TIMP3: variants seen among roughly 807,000 people sequenced by gnomAD.
TIMP3 encodes metalloproteinase inhibitor 3.
In TIMP3, 11 loss-of-function variants were observed where a neutral mutation model predicts 30.0. The ratio of observed to expected loss-of-function variants is 0.37; its 90% CI spans 0.23 to 0.61. The LOEUF is 0.61. TIMP3 is among the 20% of genes least tolerant of loss of function. The pLI is 0.70. For synonymous variants in TIMP3, 112 were observed against 111.3 expected (o/e 1.01, Z -0.04); for missense variants, 181 against 276.8 (o/e 0.65, Z 2.45).
intron 1 of TIMP3, among the ~76,000 whole-genome samples, chr22:32,812,520 TTG>T (rs2046942926): frequency 2.0e-5 from 3 of 152,084 alleles, no homozygotes; most frequent in Admixed American, 2.0e-4. Flanking sequence ...TTGGTAAAAA[TTG>T]AACCTCATTA....
intron 1 of TIMP3, among the ~76,000 whole-genome samples, chr22:32,817,605 G>A (rs898679077): frequency 1.3e-5 from 2 of 152,182 alleles, no homozygotes; most frequent in Non-Finnish European, 2.9e-5. Context: ...GAAGAAAAAG[G>A]AGGAAGGGAA....
Position 32,801,863 on chromosome 22 carries a change from G to T in TIMP3, c.-139G>T. 1 of 1,132,802 alleles carries T rather than the reference G, an allele frequency of 8.8e-7. No homozygotes were observed. Among genetic ancestry groups the T allele is most frequent in the Non-Finnish European group, 1.1e-6 (1 of 896,218 alleles). The allele number at this position is 1,132,802 out of a possible 1,614,324, so 70.2% of individuals were successfully genotyped here. A position where few individuals can be genotyped will look rare whatever the true frequency, so the allele number is the denominator to read the frequency against. ...CATCCCGTCCCGCCGGGCACTCGGA[G>T]GGCAGCGCGCCGGAGGCCAAGGTTG... On this transcript the variant is annotated 5_prime_UTR_variant, in exon 1 of 5. In the 5' UTR this introduces an upstream ATG that the reference lacks. Transcript: ENST00000266085. This position sits in a 1 kb window ranked among gnomAD's most constrained non-coding sequence, Gnocchi z 4.7.
At chr22:32,808,862 C>T (rs933049093) in intron 1 of TIMP3, among the ~76,000 whole-genome samples, 9 of 152,180 alleles carry the variant, frequency 5.9e-5, no homozygotes, top group South Asian at 2.1e-4. Context: ...ATCATTCCTG[C>T]GCTGGGAGAA....
chr22:32,841,594 G>GC (rs1022561475), intron 1 of TIMP3, among the ~76,000 whole-genome samples: 3 of 152,032 alleles, frequency 2.0e-5, no homozygotes, highest in African/African-American at 7.2e-5. Flanking sequence ...TATTAGGCTT[G>GC]CAGGTATAAA....
chr22:32,849,593 C>T, intron 2 of TIMP3, 59 bp downstream of exon 2: 1 of 1,510,756 alleles, frequency 6.6e-7, no homozygotes, highest in African/African-American at 1.4e-5. Flanking sequence ...CAGAAGAGTC[C>T]TGGCTAAGGG....
chr22:32,844,387 T>C (rs1475455100), intron 1 of TIMP3, among the ~76,000 whole-genome samples: 3 of 152,218 alleles, frequency 2.0e-5, no homozygotes, highest in Non-Finnish European at 4.4e-5. Flanking sequence ...CTGTGGTCCA[T>C]ACTGCTAGAG....
intron 1 of TIMP3, among the ~76,000 whole-genome samples, chr22:32,823,688 TG>T (rs1470457463): frequency 1.3e-5 from 2 of 151,940 alleles, no homozygotes; most frequent in Non-Finnish European, 2.9e-5. Flanking sequence ...AGAAGCTTGG[TG>T]GGCTCCCATG....
chr22:32,832,024 G>C (rs1414840081), intron 1 of TIMP3, among the ~76,000 whole-genome samples: 2 of 152,114 alleles, frequency 1.3e-5, no homozygotes, highest in African/African-American at 4.8e-5. Context: ...TTAGCAAATG[G>C]GCCCCTCTCA....
intron 1 of TIMP3, among the ~76,000 whole-genome samples, chr22:32,846,734 A>G (rs1416179745): frequency 6.6e-6 from 1 of 152,230 alleles, no homozygotes; most frequent in Non-Finnish European, 1.5e-5. Flanking sequence ...GTAATAAGCA[A>G]ATCACTTGTT....
At chr22:32,802,192 G>C in intron 1 of TIMP3, 70 bp downstream of exon 1, 4 of 1,525,310 alleles carry the variant, frequency 2.6e-6, no homozygotes, top group Non-Finnish European at 3.5e-6. Flanking sequence ...TAGGGAGGCA[G>C]GGCGAGCCCC....
intron 1 of TIMP3, among the ~76,000 whole-genome samples, chr22:32,816,958 C>T (rs1483168451): frequency 1.3e-5 from 2 of 151,910 alleles, no homozygotes; most frequent in Non-Finnish European, 2.9e-5. Flanking sequence ...CAGCGGCTCA[C>T]GCATATAACC....
At chr22:32,821,744 G>A (rs187674695) in intron 1 of TIMP3, among the ~76,000 whole-genome samples, 2 of 152,292 alleles carry the variant, frequency 1.3e-5, no homozygotes, top group East Asian at 1.9e-4. Flanking sequence ...ACTGTCCCAC[G>A]TAGCTCCTCT....
At chr22:32,824,762 C>A (rs1180120201) in intron 1 of TIMP3, among the ~76,000 whole-genome samples, 1 of 152,124 alleles carries the variant, frequency 6.6e-6, no homozygotes, top group Non-Finnish European at 1.5e-5. Context: ...CGCTTCTGAA[C>A]CAGTGTTTGA....
At chr22:32,854,716 A>G (rs1184869288) in intron 2 of TIMP3, among the ~76,000 whole-genome samples, 1 of 152,106 alleles carries the variant, frequency 6.6e-6, no homozygotes, top group Non-Finnish European at 1.5e-5. Flanking sequence ...CCGCGCCCCC[A>G]CCGCGTAATT....
At chr22:32,828,812 G>A (rs1054806676) in intron 1 of TIMP3, among the ~76,000 whole-genome samples, 1 of 152,204 alleles carries the variant, frequency 6.6e-6, no homozygotes, top group Non-Finnish European at 1.5e-5. Context: ...ATTCAGTGCT[G>A]GAGCCAGCGG....
rs78624360 is a variant in TIMP3, at chr22:32,842,570, T to C, written c.122-6882T>C. 5.6e-3 allele frequency among the ~76,000 whole-genome samples: 857 copies of C among 152,294 alleles called. 11 individuals are homozygous for C. The highest frequency in any genetic ancestry group is 0.019 in the African/African-American group (802 of 41,550). On this transcript the variant is annotated intron_variant, in intron 1 of 4. Coordinates refer to ENST00000266085, the MANE Select transcript of TIMP3 (RefSeq NM_000362.5). ...AGTAAATTTAAGAATCTACAAGTCA[T>C]CACCATCAGCAATATAACAGTGTAT...
chr22:32,818,234 C>T (rs1398007303), intron 1 of TIMP3, among the ~76,000 whole-genome samples: 1 of 152,198 alleles, frequency 6.6e-6, no homozygotes, highest in East Asian at 1.9e-4. Flanking sequence ...CAGTAGTCTA[C>T]AGGATTTGAC....
rs1380404535 is a variant in TIMP3, at chr22:32,801,976, C to A, written c.-26C>A. On this transcript the variant is annotated 5_prime_UTR_variant, in exon 1 of 5. Coordinates refer to ENST00000266085, the MANE Select transcript of TIMP3 (RefSeq NM_000362.5). The surrounding 1 kb of genome is among the most constrained non-coding windows in gnomAD (Gnocchi z 4.7). ...GCAACTTTGGAGAGGCGAGCAGCAG[C>A]CCCGGCAGCGGCGGCAGCAGCGGCA... is the stretch of plus-strand genomic sequence containing the variant. 3.8e-6 allele frequency: 6 copies of A among 1,580,376 alleles called. No homozygotes were observed. Among genetic ancestry groups the A allele is most frequent in the African/African-American group, 1.3e-5 (1 of 74,260 alleles).
chr22:32,802,250 G>C, intron 1 of TIMP3, 128 bp downstream of exon 1: 1 of 1,373,138 alleles, frequency 7.3e-7, no homozygotes, highest in Non-Finnish European at 9.7e-7. Context: ...TTGGGGCGGA[G>C]TGGAGAAACT....
Sources: allele counts gnomAD v4.1 joint callset (sites outside exome capture counted in the v4.1 genomes callset), GRCh38; gene constraint gnomAD v4.1.1; non-coding constraint Gnocchi (gnomAD v3.1); transcripts MANE v1.5; gene names NCBI Gene and HGNC (gene_info 2026-07-23, HGNC 2026-07-21).